The following NKAIN3 variants were observed in gnomAD, a reference collection of about 807,000 sequenced individuals.
NKAIN3 encodes sodium/potassium-transporting ATPase subunit beta-1-interacting protein 3.
NKAIN3 carries 25 observed loss-of-function variants against 30.2 expected under a neutral mutation model. That is an observed-to-expected ratio of 0.83 (90% CI 0.60 to 1.16). The LOEUF is 1.16. Among genes scored for constraint, NKAIN3 ranks in the 50% most tolerant of loss-of-function variants. The pLI is 0.00. For missense variants in NKAIN3, 225 were observed against 254.1 expected (o/e 0.89, Z 0.78); for synonymous variants, 91 against 89.6 (o/e 1.02, Z -0.09).
At position 62,734,548 on chromosome 8, in the gene NKAIN3, C is replaced by A. The variant is rs900865666; in HGVS notation, c.274-12384C>A. ...TGATAAGTCAGGAAGAATGCTTGAA[C>A]CCATTCAGAATTCCCTTTCTTATGG... On this transcript the variant is annotated intron_variant, in intron 3 of 6. Coordinates refer to ENST00000623646, the MANE Select transcript of NKAIN3 (RefSeq NM_001304533.3). Among the ~76,000 whole-genome samples, 20 of 152,216 alleles carry A rather than the reference C, an allele frequency of 1.3e-4. No homozygotes were observed. In the East Asian group the frequency reaches 3.5e-3, roughly 26 times the overall value.
intron 1 of NKAIN3, among the ~76,000 whole-genome samples, chr8:62,496,700 G>A (rs1807250075): frequency 6.6e-6 from 1 of 152,090 alleles, no homozygotes; most frequent in African/African-American, 2.4e-5. Context: ...GGGAATATGG[G>A]AAAGGTTCTG....
At chr8:62,823,447 A>T (rs555127309) in intron 4 of NKAIN3, among the ~76,000 whole-genome samples, 1 of 152,306 alleles carries the variant, frequency 6.6e-6, no homozygotes, top group African/African-American at 2.4e-5. Context: ...TAGTTCAATA[A>T]TGTTATGGAG....
intron 4 of NKAIN3, among the ~76,000 whole-genome samples, chr8:62,805,606 A>G (rs1242304631): frequency 1.3e-5 from 2 of 152,210 alleles, no homozygotes; most frequent in Non-Finnish European, 2.9e-5. Flanking sequence ...CATATGTAGA[A>G]AGCTGAAACT....
Position 62,948,954 on chromosome 8 carries a change from G to C in NKAIN3, c.533-4948G>C, listed in dbSNP as rs145266583. 5.9e-5 allele frequency among the ~76,000 whole-genome samples: 9 copies of C among 152,286 alleles called. No homozygotes were observed. The East Asian group carries it at 1.4e-3, about 23-fold the overall frequency. On this transcript the variant is annotated intron_variant, in intron 5 of 6. Coordinates refer to ENST00000623646, the MANE Select transcript of NKAIN3 (RefSeq NM_001304533.3). Reference sequence around the variant, plus strand: ...CTCCAGTCCACAGAGGAGGATCCAAGTATCTATTCTGGATTTACCATAAGC... The same window carrying C: ...CTCCAGTCCACAGAGGAGGATCCAACTATCTATTCTGGATTTACCATAAGC...
chr8:62,268,809 G>T (rs1812686660), intron 1 of NKAIN3, among the ~76,000 whole-genome samples: 1 of 152,088 alleles, frequency 6.6e-6, no homozygotes, highest in East Asian at 1.9e-4. Flanking sequence ...CTGCTACAAA[G>T]GCTATTTTTG....
chr8:62,623,202 G>A (rs540528222), intron 3 of NKAIN3, among the ~76,000 whole-genome samples: 26 of 152,154 alleles, frequency 1.7e-4, no homozygotes, highest in Non-Finnish European at 3.5e-4. Flanking sequence ...AGCTTAGTAT[G>A]TACATTAATC....
rs1473772971 is a variant in NKAIN3, at chr8:62,967,124, AG to A, written c.*1720del. Among the ~76,000 whole-genome samples the A allele has an allele frequency of 1.3e-5, 2 of 152,200 alleles. No individual in the cohort carries two copies. Among genetic ancestry groups the A allele is most frequent in the Admixed American group, 6.5e-5 (1 of 15,268 alleles). Reference sequence around the variant, plus strand: ...CAAATTCAAATAAAGAAAAGCTGGCAGGGACCTTGAAGATGGTGGAATCCAA... The same window carrying A: ...CAAATTCAAATAAAGAAAAGCTGGCAGGACCTTGAAGATGGTGGAATCCAA... On this transcript the variant is annotated 3_prime_UTR_variant, in exon 7 of 7. Transcript: ENST00000623646.
chr8:62,820,548 C>T (rs1162264288), intron 4 of NKAIN3, among the ~76,000 whole-genome samples: 1 of 152,100 alleles, frequency 6.6e-6, no homozygotes, highest in African/African-American at 2.4e-5. Context: ...ATAGGACAAC[C>T]AGGCAGAGCT....
intron 6 of NKAIN3, among the ~76,000 whole-genome samples, chr8:62,954,853 T>C (rs1447758253): frequency 1.3e-5 from 2 of 152,166 alleles, no homozygotes; most frequent in African/African-American, 4.8e-5. Context: ...GTCCCACTAT[T>C]AGTAAGTTGT....
intron 1 of NKAIN3, among the ~76,000 whole-genome samples, chr8:62,526,154 A>C (rs1050359239): frequency 6.6e-6 from 1 of 152,162 alleles, no homozygotes; most frequent in Non-Finnish European, 1.5e-5. Context: ...CTGAAGGAAC[A>C]AGAATTAGAA....
At chr8:62,703,461 AAACATTTAGATATATCAGCTATTT>A (rs1449941946) in intron 3 of NKAIN3, among the ~76,000 whole-genome samples, 1 of 152,218 alleles carries the variant, frequency 6.6e-6, no homozygotes, top group African/African-American at 2.4e-5. Context: ...AAAAAACTCA[AAACATTTAGATATATCAGCTATTT>A]AACCAATTTT....
At chr8:62,481,316 A>G (rs1254627334) in intron 1 of NKAIN3, among the ~76,000 whole-genome samples, 1 of 151,790 alleles carries the variant, frequency 6.6e-6, no homozygotes, top group Non-Finnish European at 1.5e-5. Context: ...TTCATCCTCC[A>G]TTTGTCTAGC....
At chr8:62,688,719 G>A (rs1813868894) in intron 3 of NKAIN3, among the ~76,000 whole-genome samples, 1 of 146,556 alleles carries the variant, frequency 6.8e-6, no homozygotes, top group East Asian at 2.0e-4. Flanking sequence ...CTCACACATA[G>A]ACACAGACAG....
At chr8:62,730,056 T>G (rs1293783070) in intron 3 of NKAIN3, among the ~76,000 whole-genome samples, 1 of 152,236 alleles carries the variant, frequency 6.6e-6, no homozygotes, top group African/African-American at 2.4e-5. Flanking sequence ...GTTTGATCAC[T>G]TACCACAGCA....
chr8:62,766,643 A>T (rs550122630), intron 4 of NKAIN3, among the ~76,000 whole-genome samples: 1 of 152,250 alleles, frequency 6.6e-6, no homozygotes, highest in South Asian at 2.1e-4. Context: ...AAACCCAGGA[A>T]AGGGTAGGCT....
chr8:62,466,560 G>T (rs1169525890), intron 1 of NKAIN3, among the ~76,000 whole-genome samples: 1 of 152,098 alleles, frequency 6.6e-6, no homozygotes. Context: ...ACAAGAAAGG[G>T]CAAGGAGAGT....
At position 62,889,958 on chromosome 8, in the gene NKAIN3, T is replaced by C. The variant is rs377610885; in HGVS notation, c.472-28495T>C. On this transcript the variant is annotated intron_variant, in intron 4 of 6. Transcript: ENST00000623646. ...TAAAAAAAAACAAAGTTTCTCAATA[T>C]GATTTTGGTTGGTTTCAAGACAGAG... Among the ~76,000 whole-genome samples the C allele has an allele frequency of 1.4e-4, 22 of 152,274 alleles. No individual in the cohort carries two copies. The East Asian group carries it at 3.7e-3, about 25-fold the overall frequency.
chr8:62,659,572 T>C (rs180875333), intron 3 of NKAIN3, among the ~76,000 whole-genome samples: 1 of 152,322 alleles, frequency 6.6e-6, no homozygotes, highest in Admixed American at 6.5e-5. Flanking sequence ...TGCTCCAGCA[T>C]GGTCTGTTGC....
chr8:62,815,488 T>C (rs1343954411), intron 4 of NKAIN3, among the ~76,000 whole-genome samples: 3 of 152,136 alleles, frequency 2.0e-5, no homozygotes, highest in African/African-American at 4.8e-5. Flanking sequence ...ACTGGCAAAC[T>C]GAATCCAGCA....
Sources: allele counts gnomAD v4.1 joint callset (sites outside exome capture counted in the v4.1 genomes callset), GRCh38; gene constraint gnomAD v4.1.1; transcripts MANE v1.5; gene names NCBI Gene and HGNC (gene_info 2026-07-23, HGNC 2026-07-21).